The following MACF1 variants were observed in gnomAD, a reference collection of about 807,000 sequenced individuals.
MACF1 encodes microtubule-actin cross-linking factor 1.
A neutral mutation model predicts 854.8 loss-of-function variants in MACF1; 193 were observed. The ratio of observed to expected loss-of-function variants is 0.23; its 90% CI spans 0.20 to 0.25. The LOEUF is 0.25. Ranked by LOEUF, MACF1 falls within the 10% of genes least tolerant of loss-of-function variation. The pLI is 1.00. For missense variants in MACF1, 7,722 were observed against 8,929.1 expected (o/e 0.86, Z 5.45); for synonymous variants, 3,185 against 3,226.7 (o/e 0.99, Z 0.44).
At position 39,105,843 on chromosome 1, in the gene MACF1, C is replaced by A. The variant is rs566295541; in HGVS notation, c.220+21405C>A. 2 of 735,362 alleles carry A rather than the reference C, an allele frequency of 2.7e-6. No homozygotes were observed. Among genetic ancestry groups the A allele is most frequent in the Non-Finnish European group, 3.3e-6 (2 of 601,072 alleles). 45.6% of individuals were successfully genotyped at this position (735,362 alleles called of 1,614,324 possible). ...GTCGCACCCACCGCGCGGGGCTTGG[C>A]CCTGAGCTGCTGCTTCTCGGGGCCA... On this transcript the variant is annotated intron_variant, in intron 2 of 93. Transcript: ENST00000361689. The surrounding 1 kb of genome is among the most constrained non-coding windows in gnomAD (Gnocchi z 5.9).
intron 38 of MACF1, 65 bp downstream of exon 38, chr1:39,337,396 A>G (rs1036846036): frequency 6.4e-7 from 1 of 1,553,836 alleles, no homozygotes; most frequent in South Asian, 1.2e-5. Context: ...TCTTCCTTGA[A>G]GATTTCAAGA....
chr1:39,403,531 T>C (rs1445608159), intron 58 of MACF1, among the ~76,000 whole-genome samples: 2 of 152,210 alleles, frequency 1.3e-5, no homozygotes, highest in Non-Finnish European at 2.9e-5. Flanking sequence ...TTTTATTCTT[T>C]CCTGCTGTTG....
chr1:39,405,304 T>C (rs1365742472), intron 58 of MACF1, among the ~76,000 whole-genome samples: 1 of 152,208 alleles, frequency 6.6e-6, no homozygotes, highest in Non-Finnish European at 1.5e-5. Flanking sequence ...TGCTACTAAA[T>C]AATGCTTGTA....
chr1:39,155,336 T>G (rs1334045665), intron 2 of MACF1, among the ~76,000 whole-genome samples: 1 of 152,236 alleles, frequency 6.6e-6, no homozygotes, highest in African/African-American at 2.4e-5. Context: ...TGCACTTAGT[T>G]CAAGTGGTTA....
At chr1:39,454,819 G>C (rs1443143570) in intron 88 of MACF1, 90 bp from the exon 89 acceptor site, 1 of 1,129,172 alleles carries the variant, frequency 8.9e-7, no homozygotes, top group Non-Finnish European at 1.3e-6. Flanking sequence ...AAAATAAAAA[G>C]CCATTATGAA....
At position 39,379,403 on chromosome 1, in the gene MACF1, A is replaced by G; in HGVS notation, c.13477A>G (p.Thr4493Ala). ...LKSMDAMSSP[T>A]KTETVKAQAE... ...ATCCATGGATGCCATGTCATCTCCA[A>G]CCAAGACAGAAACAGTGAAAGCCCA... The change falls in exon 54 of 101, where the codon ACC becomes GCC. Residue 4493 changes from threonine (T) to alanine (A), a missense_variant. Around this residue, in one of 15 missense-constraint regions of MACF1, gnomAD observed 2,807 missense variants for 3,235.8 expected, o/e 0.87. Coordinates refer to ENST00000564288, the MANE Select transcript of MACF1 (RefSeq NM_001394062.1). The G allele has an allele frequency of 6.2e-7, 1 of 1,614,150 alleles. No individual in the cohort carries two copies.
chr1:39,429,804 T>A, intron 64 of MACF1, 23 bp from the exon 65 acceptor site: 1 of 1,611,710 alleles, frequency 6.2e-7, no homozygotes, highest in Non-Finnish European at 8.5e-7. Flanking sequence ...TAAATATGAG[T>A]AATTGTGTGC....
In MACF1 at chr1:39,334,825, T is replaced by C. The variant is rs1215731436; in HGVS notation, c.8237T>C (p.Ile2746Thr). The C allele has an allele frequency of 6.2e-7, 1 of 1,614,148 alleles. No individual in the cohort carries two copies. The highest frequency in any genetic ancestry group is 1.3e-5 in the African/African-American group (1 of 75,052). The change falls in exon 37 of 101, where the codon ATT becomes ACT. Residue 2746 changes from isoleucine (I) to threonine (T), a missense_variant. Physicochemically the swap from Ile to Thr is moderately conservative, Grantham distance 89 (BLOSUM62 -1). Coordinates refer to ENST00000564288, the MANE Select transcript of MACF1 (RefSeq NM_001394062.1). ...CAGAGAGTGACTTTAGTAGAAGCTA[T>C]TGAGAAAAGACTGATCAGCCCTGAA... ...SDQRVTLVEA[I>T]EKRLISPELA...
intron 49 of MACF1, among the ~76,000 whole-genome samples, chr1:39,364,864 T>C (rs888669065): frequency 2.6e-5 from 4 of 152,226 alleles, no homozygotes; most frequent in Non-Finnish European, 4.4e-5. Context: ...TTAGTCATAG[T>C]TTGAAAGATT....
At chr1:39,211,363 G>A (rs1042197087) in intron 1 of MACF1, among the ~76,000 whole-genome samples, 4 of 152,088 alleles carry the variant, frequency 2.6e-5, no homozygotes, top group African/African-American at 9.7e-5. Flanking sequence ...TAACATTGAA[G>A]ACATAGTGCT....
Position 39,191,529 on chromosome 1 carries a change from C to T in MACF1, c.221-39653C>T, listed in dbSNP as rs141657378. Among the ~76,000 whole-genome samples, 184 of 152,314 alleles carry T rather than the reference C, an allele frequency of 1.2e-3. 2 individuals are homozygous for T. Among genetic ancestry groups the T allele is most frequent in the African/African-American group, 3.9e-3 (162 of 41,568 alleles). On this transcript the variant is annotated intron_variant, in intron 2 of 93. Transcript: ENST00000361689. ...CAAAAAAACAGATGCTGTCGTTTTCCTCATCCACTACTTGGGACACCTAAG... is the reference window on the plus strand; with the variant it reads ...CAAAAAAACAGATGCTGTCGTTTTCTTCATCCACTACTTGGGACACCTAAG...
chr1:39,162,067 C>CTT (rs931938531), intron 2 of MACF1, among the ~76,000 whole-genome samples: 1 of 146,772 alleles, frequency 6.8e-6, no homozygotes, highest in Non-Finnish European at 1.5e-5. Flanking sequence ...GTCTCTCTGT[C>CTT]TTTTTTTTTT....
chr1:39,343,089 A>G (rs533676854), intron 40 of MACF1, among the ~76,000 whole-genome samples: 5 of 152,206 alleles, frequency 3.3e-5, no homozygotes, highest in African/African-American at 1.2e-4. Flanking sequence ...GATTCTTTTT[A>G]TTAGTCAATA....
chr1:39,123,838 C>G (rs7544405), intron 2 of MACF1, among the ~76,000 whole-genome samples: 4,291 of 151,218 alleles, frequency 0.028, 200 homozygotes, highest in African/African-American at 0.097. Flanking sequence ...ATTCTCCTGC[C>G]TCAGCCTCCT....
chr1:39,231,164 T>C lies in MACF1; in HGVS notation c.110-18T>C. On this transcript the variant is annotated intron_variant, in intron 1 of 100. Transcript: ENST00000564288. Reference sequence around the variant, plus strand: ...TGGGTAGCACTAAGCCAGTGCCTTCTCTGTGTTTCCTTTACAGATGAACGG... The same window carrying C: ...TGGGTAGCACTAAGCCAGTGCCTTCCCTGTGTTTCCTTTACAGATGAACGG... 3.1e-6 allele frequency: 5 copies of C among 1,613,350 alleles called. No individual in the cohort carries two copies. The highest frequency in any genetic ancestry group is 4.2e-6 in the Non-Finnish European group (5 of 1,179,214).
At chr1:39,282,829 TG>T (rs1645573617) in intron 7 of MACF1, among the ~76,000 whole-genome samples, 1 of 151,626 alleles carries the variant, frequency 6.6e-6, no homozygotes, top group South Asian at 2.1e-4. Context: ...TTGCTTAGAG[TG>T]GTTTAGGGAC....
At chr1:39,408,984 C>T (rs1473327848) in intron 58 of MACF1, among the ~76,000 whole-genome samples, 2 of 151,702 alleles carry the variant, frequency 1.3e-5, no homozygotes, top group African/African-American at 4.8e-5. Flanking sequence ...CTCTCCGCGT[C>T]GCGCGCTCCC....
chr1:39,159,826 G>A (rs561744027), intron 2 of MACF1, among the ~76,000 whole-genome samples: 2 of 152,244 alleles, frequency 1.3e-5, no homozygotes, highest in African/African-American at 2.4e-5. Flanking sequence ...ATGGGGTGTG[G>A]AGAGAGTGGG....
chr1:39,440,111 C>CTTTTCTTTTCTTTTTTTTTTTTT (rs1553414036), intron 72 of MACF1, among the ~76,000 whole-genome samples: 1 of 64,568 alleles, frequency 1.5e-5, no homozygotes, highest in African/African-American at 6.7e-5. Context: ...CTTTTCTTTT[C>CTTTTCTTTTCTTTTTTTTTTTTT]TTTTTTTTTT....
Sources: gnomAD v4.1 joint callset for allele counts (sites outside exome capture counted in the v4.1 genomes callset) on GRCh38, gnomAD v4.1.1 for gene constraint, gnomAD v4.1.1 regional missense constraint, Gnocchi (gnomAD v3.1) non-coding constraint, MANE v1.5 for transcripts, NCBI Gene and HGNC (gene_info 2026-07-23, HGNC 2026-07-21) for gene names.